The following AGBL4 variants were observed in gnomAD, a reference collection of about 807,000 sequenced individuals.
AGBL4 encodes AGBL carboxypeptidase 4, also known as cytosolic carboxypeptidase 6.
Under a neutral mutation model 66.4 loss-of-function variants are expected in AGBL4, and 58 were observed. The ratio of observed to expected loss-of-function variants is 0.87; its 90% CI spans 0.71 to 1.09. AGBL4 has a LOEUF of 1.09. AGBL4 is among the 50% of genes least tolerant of loss of function. The pLI, the probability that AGBL4 is intolerant of heterozygous loss-of-function variation, is 0.00. For synonymous variants in AGBL4, 234 were observed against 222.9 expected, an observed-to-expected ratio of 1.05 and a Z score of -0.44; for missense variants, 579 against 631.0, an observed-to-expected ratio of 0.92 and a Z score of 0.88.
rs184534629 is a variant in AGBL4 at position 49,924,015 on chromosome 1, G to A, written c.35-72497C>T. ...ATTGTTCTATTATATAGACACATGC[G>A]TGTGTATGTTAATTGCAGCACTATT... On this transcript the variant is annotated intron_variant, in intron 1 of 13. Transcript: ENST00000371839. Among the ~76,000 whole-genome samples the A allele has an allele frequency of 1.8e-4, 27 of 152,226 alleles. No homozygotes were observed. In the East Asian group the frequency reaches 2.1e-3, roughly 12 times the overall value.
Position 49,731,121 on chromosome 1 carries a change from C to A in AGBL4, c.158-33684G>T, listed in dbSNP as rs866568399. On this transcript the variant is annotated intron_variant, in intron 2 of 13. Coordinates refer to ENST00000371839, the MANE Select transcript of AGBL4 (RefSeq NM_032785.4). The stretch of plus-strand genomic sequence containing the variant: ...GGACAAAGTACTTATTCCCTTGGCT[C>A]CCTCTCTGCCTAGTTACAAGTTGTT... Among the ~76,000 whole-genome samples the A allele has an allele frequency of 1.2e-4, 18 of 152,222 alleles. 1 individual carries two copies. Among genetic ancestry groups the A allele is most frequent in the African/African-American group, 3.6e-4 (15 of 41,538 alleles).
chr1:49,406,793 C>T (rs1347175221), intron 3 of AGBL4, among the ~76,000 whole-genome samples: 11 of 151,630 alleles, frequency 7.3e-5, no homozygotes, highest in African/African-American at 2.2e-4. Context: ...AGGCCAGGAG[C>T]GGTGGCTCAT....
chr1:48,950,068 A>T (rs957694571), intron 5 of AGBL4, among the ~76,000 whole-genome samples: 1 of 152,094 alleles, frequency 6.6e-6, no homozygotes, highest in African/African-American at 2.4e-5. Context: ...ACCTGACAAC[A>T]ATCTGGGAGT....
chr1:49,558,071 A>T (rs1643946099), intron 3 of AGBL4, among the ~76,000 whole-genome samples: 1 of 151,902 alleles, frequency 6.6e-6, no homozygotes, highest in South Asian at 2.1e-4. Flanking sequence ...ACCCAGTCCT[A>T]GCATTTGTTA....
chr1:49,373,980 T>C (rs970691992), intron 3 of AGBL4, among the ~76,000 whole-genome samples: 4 of 152,124 alleles, frequency 2.6e-5, no homozygotes, highest in Admixed American at 6.6e-5. Context: ...ATTTATACTA[T>C]ACATAAAATT....
chr1:49,006,294 C>T lies in AGBL4; in HGVS notation c.594+39290G>A, dbSNP rs574620776. ...GGCACCTGGAAAATCGGGTCACTCC[C>T]ACCCGAATACTGTGCTTTTCCAACG... On this transcript the variant is annotated intron_variant, in intron 5 of 13. Transcript: ENST00000371839. 1.8e-3 allele frequency among the ~76,000 whole-genome samples: 275 copies of T among 152,278 alleles called. 3 individuals are homozygous for T. Among genetic ancestry groups the T allele is most frequent in the Non-Finnish European group, 1.5e-3 (105 of 68,020 alleles).
At chr1:49,326,684 A>G (rs924488687) in intron 3 of AGBL4, among the ~76,000 whole-genome samples, 3 of 152,228 alleles carry the variant, frequency 2.0e-5, no homozygotes, top group African/African-American at 7.2e-5. Context: ...GAAGGAAATC[A>G]TCAACAGTGT....
At chr1:49,858,092 A>T (rs1315430021) in intron 1 of AGBL4, among the ~76,000 whole-genome samples, 2 of 152,112 alleles carry the variant, frequency 1.3e-5, no homozygotes, top group Non-Finnish European at 2.9e-5. Flanking sequence ...GAGACATACA[A>T]ATGTCCCCAA....
chr1:49,056,441 T>C (rs1049377729), intron 4 of AGBL4, among the ~76,000 whole-genome samples: 6 of 152,160 alleles, frequency 3.9e-5, no homozygotes, highest in Admixed American at 3.9e-4. Context: ...GGTAACCATT[T>C]AGTAGAACTC....
At chr1:49,340,650 C>T (rs2148504481) in intron 3 of AGBL4, among the ~76,000 whole-genome samples, 1 of 152,222 alleles carries the variant, frequency 6.6e-6, no homozygotes, top group South Asian at 2.1e-4. Context: ...AAAATGGATG[C>T]CCAAAGATAT....
At chr1:49,999,203 T>C (rs868490002) in intron 1 of AGBL4, among the ~76,000 whole-genome samples, 3 of 151,892 alleles carry the variant, frequency 2.0e-5, no homozygotes, top group South Asian at 2.1e-4. Context: ...AAAAAGCTCC[T>C]AGAACTGATA....
intron 6 of AGBL4, among the ~76,000 whole-genome samples, chr1:48,816,791 C>T (rs549615097): frequency 1.3e-4 from 20 of 152,282 alleles, no homozygotes; most frequent in East Asian, 1.9e-4. Flanking sequence ...GTCTGTAAAG[C>T]GTCCACAATC....
At chr1:49,962,869 G>C (rs1390044028) in intron 1 of AGBL4, among the ~76,000 whole-genome samples, 1 of 152,100 alleles carries the variant, frequency 6.6e-6, no homozygotes, top group Non-Finnish European at 1.5e-5. Flanking sequence ...AAGAAAAGTA[G>C]GGCTCAGAGA....
intron 4 of AGBL4, among the ~76,000 whole-genome samples, chr1:49,229,847 G>A (rs1306079464): frequency 1.3e-5 from 2 of 152,080 alleles, no homozygotes; most frequent in Non-Finnish European, 2.9e-5. Context: ...AACCATGCCT[G>A]GTGTGAAGGA....
chr1:49,325,627 A>G (rs1354633579), intron 3 of AGBL4, among the ~76,000 whole-genome samples: 2 of 152,202 alleles, frequency 1.3e-5, no homozygotes, highest in African/African-American at 2.4e-5. Flanking sequence ...TCAAGAAACC[A>G]TATGTTGAAA....
chr1:49,238,917 C>T (rs1650999151), intron 4 of AGBL4, among the ~76,000 whole-genome samples: 1 of 152,132 alleles, frequency 6.6e-6, no homozygotes, highest in Non-Finnish European at 1.5e-5. Context: ...TTCTTAGGTC[C>T]TAAGGAACCT....
At chr1:49,746,057 G>C (rs1447689895) in intron 2 of AGBL4, among the ~76,000 whole-genome samples, 5 of 151,890 alleles carry the variant, frequency 3.3e-5, no homozygotes, top group African/African-American at 1.2e-4. Flanking sequence ...CACCCAAGAA[G>C]CTATTAATTT....
At chr1:49,228,361 TTGAATA>T (rs748842248) in intron 4 of AGBL4, among the ~76,000 whole-genome samples, 24 of 152,276 alleles carry the variant, frequency 1.6e-4, no homozygotes, top group Non-Finnish European at 2.9e-4. Flanking sequence ...ACATGTTCCT[TTGAATA>T]TGATAAGGCT....
At chr1:49,721,004 G>A (rs899407066) in intron 2 of AGBL4, among the ~76,000 whole-genome samples, 7 of 152,062 alleles carry the variant, frequency 4.6e-5, no homozygotes, top group African/African-American at 1.7e-4. Context: ...TGGGGACTTG[G>A]AGAACTTTTG....
Sources: gnomAD v4.1 joint callset for allele counts (sites outside exome capture counted in the v4.1 genomes callset) on GRCh38, gnomAD v4.1.1 for gene constraint, MANE v1.5 for transcripts, NCBI Gene and HGNC (gene_info 2026-07-23, HGNC 2026-07-21) for gene names.